Variants in SEMA3E observed in about 807,000 individuals in gnomAD.
SEMA3E encodes the protein semaphorin-3E.
A neutral mutation model predicts 93.6 loss-of-function variants in SEMA3E; 49 were observed. The observed-to-expected ratio is 0.52, with a 90% CI of 0.42 to 0.66. The LOEUF (loss-of-function observed/expected upper bound fraction) is 0.66, where lower values mean the gene tolerates loss of function less well. SEMA3E is among the 30% of genes least tolerant of loss of function. The probability of loss-of-function intolerance (pLI) is 0.00; values close to 1 mark genes in which losing one functional copy is unlikely to be tolerated. For missense variants in SEMA3E, 906 were observed against 964.8 expected (o/e 0.94, Z 0.81); for synonymous variants, 363 against 330.7 (o/e 1.10, Z -1.06).
At chr7:83,473,414 TATC>T (rs1789944189) in intron 2 of SEMA3E, among the ~76,000 whole-genome samples, 1 of 152,182 alleles carries the variant, frequency 6.6e-6, no homozygotes, top group South Asian at 2.1e-4. Context: ...AAGTCTCTAT[TATC>T]TTCTGCCTCC....
At chr7:83,369,227 T>C (rs1584196249) in intron 16 of SEMA3E, among the ~76,000 whole-genome samples, 2 of 152,106 alleles carry the variant, frequency 1.3e-5, no homozygotes, top group East Asian at 3.9e-4. Flanking sequence ...GAGGCAATAA[T>C]TACAAACAAT....
intron 1 of SEMA3E, among the ~76,000 whole-genome samples, chr7:83,594,955 A>G (rs759110285): frequency 3.2e-4 from 25 of 79,190 alleles, no homozygotes; most frequent in South Asian, 1.1e-3. Context: ...AACTTCTGGG[A>G]AAAAAAAAAA....
intron 5 of SEMA3E, among the ~76,000 whole-genome samples, chr7:83,411,137 C>T (rs1258198879): frequency 6.6e-6 from 1 of 151,958 alleles, no homozygotes; most frequent in African/African-American, 2.4e-5. Flanking sequence ...ATCGTTTTAA[C>T]CAATGCTATA....
At chr7:83,508,276 TTTG>T (rs1790745086) in intron 1 of SEMA3E, among the ~76,000 whole-genome samples, 1 of 151,852 alleles carries the variant, frequency 6.6e-6, no homozygotes, top group South Asian at 2.1e-4. Flanking sequence ...TTTTTTTTTT[TTTG>T]AAGATGGAGT....
chr7:83,540,741 G>A (rs1451027326), intron 1 of SEMA3E, among the ~76,000 whole-genome samples: 1 of 152,170 alleles, frequency 6.6e-6, no homozygotes, highest in Non-Finnish European at 1.5e-5. Context: ...TGAGTGTGAA[G>A]GCAGAAGGTC....
At chr7:83,638,042 C>T (rs1793916385) in intron 1 of SEMA3E, among the ~76,000 whole-genome samples, 1 of 152,092 alleles carries the variant, frequency 6.6e-6, no homozygotes, top group African/African-American at 2.4e-5. Flanking sequence ...TTATATATAG[C>T]TATCCACTAT....
intron 4 of SEMA3E, among the ~76,000 whole-genome samples, chr7:83,431,602 C>A (rs2115746318): frequency 6.6e-6 from 1 of 152,180 alleles, no homozygotes; most frequent in East Asian, 1.9e-4. Context: ...CGAGATTTTG[C>A]CATGTTGGCC....
chr7:83,394,243 C>A (rs1360363823), intron 13 of SEMA3E, 54 bp downstream of exon 13: 24 of 1,555,324 alleles, frequency 1.5e-5, no homozygotes, highest in Non-Finnish European at 1.9e-5. Flanking sequence ...TTGACCTTAC[C>A]TTAGCTCACA....
intron 5 of SEMA3E, among the ~76,000 whole-genome samples, chr7:83,417,455 G>A (rs1211098555): frequency 6.6e-6 from 1 of 152,190 alleles, no homozygotes; most frequent in East Asian, 1.9e-4. Context: ...TTTAGAATGT[G>A]AAGTCTCTAC....
chr7:83,369,825 A>G (rs2723028), intron 16 of SEMA3E, among the ~76,000 whole-genome samples: 94,144 of 152,070 alleles, frequency 0.62, 33,020 homozygotes, highest in East Asian at 0.88. Flanking sequence ...TTCTGAACAA[A>G]CTTATTTTCC....
Position 83,408,512 on chromosome 7 carries a change from G to A in SEMA3E, c.551-25C>T, listed in dbSNP as rs201694071. The stretch of plus-strand genomic sequence containing the variant: ...CCTACACGGGAGCATCAGTAAAAAA[G>A]AAGTCAGTATTTGTTAATATGTTAA... On this transcript the variant is annotated intron_variant, in intron 5 of 16. Coordinates refer to ENST00000643230, the MANE Select transcript of SEMA3E (RefSeq NM_012431.3). 62 of 1,612,476 alleles carry A rather than the reference G, an allele frequency of 3.8e-5. No individual in the cohort carries two copies. In the Admixed American group the frequency reaches 1.0e-3, roughly 26 times the overall value.
chr7:83,640,322 A>G, intron 1 of SEMA3E, among the ~76,000 whole-genome samples: 1 of 152,184 alleles, frequency 6.6e-6, no homozygotes, highest in East Asian at 1.9e-4. Context: ...AAACAAACCA[A>G]AAGTGCATAG....
At chr7:83,489,793 C>A (rs1482317445) in intron 2 of SEMA3E, among the ~76,000 whole-genome samples, 1 of 152,080 alleles carries the variant, frequency 6.6e-6, no homozygotes, top group Non-Finnish European at 1.5e-5. Flanking sequence ...CCCAGAGGAA[C>A]TGGTGGTGAT....
intron 2 of SEMA3E, among the ~76,000 whole-genome samples, chr7:83,480,855 T>A (rs183886700): frequency 1.3e-5 from 2 of 152,178 alleles, no homozygotes; most frequent in Non-Finnish European, 2.9e-5. Flanking sequence ...AATATCATTA[T>A]CTCTTCTGGT....
chr7:83,518,925 C>T (rs1438090985), intron 1 of SEMA3E, among the ~76,000 whole-genome samples: 1 of 151,962 alleles, frequency 6.6e-6, no homozygotes, highest in African/African-American at 2.4e-5. Context: ...TCAGGAATTT[C>T]TTTTCTTTTT....
At chr7:83,476,320 C>T (rs1043419196) in intron 2 of SEMA3E, among the ~76,000 whole-genome samples, 3 of 152,062 alleles carry the variant, frequency 2.0e-5, no homozygotes, top group African/African-American at 4.8e-5. Context: ...CCAGTTTAAT[C>T]GGAAGGAAAT....
intron 1 of SEMA3E, among the ~76,000 whole-genome samples, chr7:83,638,593 A>T (rs1793927673): frequency 6.6e-6 from 1 of 152,188 alleles, no homozygotes; most frequent in Non-Finnish European, 1.5e-5. Context: ...TATGCAGATA[A>T]TGGTAATATA....
intron 1 of SEMA3E, among the ~76,000 whole-genome samples, chr7:83,517,066 A>G (rs1455105880): frequency 6.6e-6 from 1 of 152,132 alleles, no homozygotes; most frequent in Non-Finnish European, 1.5e-5. Flanking sequence ...CCAAAATGAA[A>G]GAAACACCAT....
chr7:83,407,689 G>A (rs374512305), intron 6 of SEMA3E, among the ~76,000 whole-genome samples: 6 of 152,006 alleles, frequency 3.9e-5, no homozygotes, highest in Admixed American at 2.0e-4. Flanking sequence ...CCAGTATAGC[G>A]CATAGATCAT....
Sources: gnomAD v4.1 joint callset for allele counts (sites outside exome capture counted in the v4.1 genomes callset) on GRCh38, gnomAD v4.1.1 for gene constraint, MANE v1.5 for transcripts, NCBI Gene and HGNC (gene_info 2026-07-23, HGNC 2026-07-21) for gene names.